CORO1C: variants seen among roughly 807,000 people sequenced by gnomAD.
CORO1C encodes coronin 1C, also known as coronin-1C.
In CORO1C, 14 loss-of-function variants were observed where a neutral mutation model predicts 51.2. That is an observed-to-expected ratio of 0.27 (90% CI 0.18 to 0.43). The LOEUF is 0.43. CORO1C is among the 20% of genes least tolerant of loss of function. The probability of loss-of-function intolerance (pLI) is 1.00; values close to 1 mark genes in which losing one functional copy is unlikely to be tolerated. For missense variants in CORO1C, 417 were observed against 607.8 expected (o/e 0.69, Z 3.30); for synonymous variants, 181 against 210.5 (o/e 0.86, Z 1.21).
At chr12:108,651,947 C>T (rs961937422) in intron 8 of CORO1C, 6 of 165,874 alleles carry the variant, frequency 3.6e-5, no homozygotes, top group African/African-American at 1.2e-4. Flanking sequence ...ATTGCTTGAA[C>T]CAGGGAGGCG....
At chr12:108,694,345 G>C (rs2034601439) in intron 2 of CORO1C, among the ~76,000 whole-genome samples, 2 of 149,180 alleles carry the variant, frequency 1.3e-5, no homozygotes, top group Non-Finnish European at 3.0e-5. Flanking sequence ...CAGGCACTAA[G>C]GAATGAATAT....
chr12:108,695,624 T>A (rs1281096177), intron 2 of CORO1C, among the ~76,000 whole-genome samples: 1 of 152,098 alleles, frequency 6.6e-6, no homozygotes, highest in Non-Finnish European at 1.5e-5. Context: ...AGCTGGATAA[T>A]GAACAGGAAG....
intron 2 of CORO1C, among the ~76,000 whole-genome samples, chr12:108,691,729 AGAGCCCTGTCAGGCCT>A (rs1218661716): frequency 6.6e-6 from 1 of 152,206 alleles, no homozygotes; most frequent in African/African-American, 2.4e-5. Flanking sequence ...AACCACTGTC[AGAGCCCTGTCAGGCCT>A]GCGGGCCGGC....
intron 3 of CORO1C, among the ~76,000 whole-genome samples, chr12:108,666,090 G>A (rs1445724539): frequency 6.6e-6 from 1 of 152,232 alleles, no homozygotes; most frequent in East Asian, 1.9e-4. Flanking sequence ...AGGGCTCCCT[G>A]AGGAGGTGAC....
chr12:108,683,747 C>A lies in CORO1C; in HGVS notation c.196-5353G>T, dbSNP rs144875917. Among the ~76,000 whole-genome samples, 32 of 152,120 alleles carry A rather than the reference C, an allele frequency of 2.1e-4. No individual in the cohort carries two copies. The East Asian group carries it at 4.8e-3, about 23-fold the overall frequency. ...GTAGTATAACTCTACCCATCACCAC[C>A]TCCCAATCAATCAATCAATCAGCAA... On this transcript the variant is annotated intron_variant, in intron 2 of 10. Coordinates refer to ENST00000261401, the MANE Select transcript of CORO1C (RefSeq NM_014325.4).
intron 3 of CORO1C, among the ~76,000 whole-genome samples, chr12:108,664,121 A>G (rs2033382681): frequency 1.3e-5 from 2 of 152,232 alleles, no homozygotes. Context: ...TTTATGAAAA[A>G]GCTAAAGTTT....
Position 108,652,361 on chromosome 12 carries a change from G to A in CORO1C, c.912C>T (p.Tyr304=). ...GCTCCTTGCTGCTGAATGTGTTGAG[G>A]TAGTGGACGTACGGGGATTCATCCG... ...EITDESPYVH[Y]LNTFSSKEPQ... is the part of the protein sequence containing the mutation. The change falls in exon 8 of 11, where the codon TAC becomes TAT. Residue 304 remains tyrosine, a synonymous_variant. Transcript: ENST00000261401. 3 of 1,613,630 alleles carry A rather than the reference G, an allele frequency of 1.9e-6. No homozygotes were observed. The highest frequency in any genetic ancestry group is 1.7e-6 in the Non-Finnish European group (2 of 1,179,542).
At chr12:108,648,115 C>T (rs892735991) in intron 10 of CORO1C, among the ~76,000 whole-genome samples, 18 of 152,144 alleles carry the variant, frequency 1.2e-4, no homozygotes, top group African/African-American at 4.3e-4. Flanking sequence ...GCCTAAATCC[C>T]CCTTGTTGCC....
chr12:108,662,043 A>G lies in CORO1C; in HGVS notation c.434T>C (p.Val145Ala). 1.2e-6 allele frequency: 2 copies of G among 1,614,206 alleles called. No individual in the cohort carries two copies. Among genetic ancestry groups the G allele is most frequent in the Non-Finnish European group, 1.7e-6 (2 of 1,180,038 alleles). ...IVAWHPTARN[V>A]LLSAGCDNAI... ...TCAGCTCCCACCTGCACTAAGAAGC[A>G]CATTGCGGGCCGTTGGATGCCAAGC... The change falls in exon 4 of 11, where the codon GTG (valine) becomes GCG (alanine). Residue 145 changes from valine (V) to alanine (A), a missense_variant. Physicochemically the swap from Val to Ala is moderately conservative, Grantham distance 64 (BLOSUM62 0). Coordinates refer to ENST00000261401, the MANE Select transcript of CORO1C (RefSeq NM_014325.4).
intron 1 of CORO1C, among the ~76,000 whole-genome samples, chr12:108,720,986 T>G (rs999773747): frequency 6.6e-6 from 1 of 152,166 alleles, no homozygotes; most frequent in Admixed American, 6.5e-5. Context: ...GGCAATATGC[T>G]AGGAAATGGA....
intron 1 of CORO1C, among the ~76,000 whole-genome samples, chr12:108,713,933 A>C (rs1174266940): frequency 1.3e-5 from 2 of 152,220 alleles, no homozygotes; most frequent in Non-Finnish European, 2.9e-5. Flanking sequence ...ACACTTTATA[A>C]ATATGAGTAA....
At chr12:108,695,825 T>C (rs1259973788) in intron 2 of CORO1C, among the ~76,000 whole-genome samples, 1 of 134,488 alleles carries the variant, frequency 7.4e-6, no homozygotes, top group East Asian at 2.2e-4. Context: ...TCTAGAAGAC[T>C]GGCTATGTAT....
At chr12:108,677,588 G>C (rs988368062) in intron 3 of CORO1C, among the ~76,000 whole-genome samples, 2 of 152,184 alleles carry the variant, frequency 1.3e-5, no homozygotes, top group Non-Finnish European at 2.9e-5. Context: ...GTCTTGTACA[G>C]TCTGTGCCAG....
chr12:108,700,160 C>T (rs1312727843), intron 2 of CORO1C, among the ~76,000 whole-genome samples: 6 of 152,088 alleles, frequency 3.9e-5, no homozygotes, highest in Non-Finnish European at 7.4e-5. Context: ...CAGCGGGGAT[C>T]CACTTCCCCC....
chr12:108,730,757 GC>G, intron 1 of CORO1C: 1 of 135,018 alleles, frequency 7.4e-6, no homozygotes, highest in South Asian at 2.5e-4. Context: ...TTCCCAAGCC[GC>G]CCCCACCCAC....
At chr12:108,651,637 C>T (rs184507174) in intron 8 of CORO1C, among the ~76,000 whole-genome samples, 75 of 152,306 alleles carry the variant, frequency 4.9e-4, no homozygotes, top group African/African-American at 1.8e-3. Flanking sequence ...ACTTGCCCAC[C>T]AGGGAACGCT....
chr12:108,670,047 A>G (rs1461852427), intron 3 of CORO1C, among the ~76,000 whole-genome samples: 1 of 152,204 alleles, frequency 6.6e-6, no homozygotes, highest in African/African-American at 2.4e-5. Flanking sequence ...AAGATGAGAG[A>G]ATCTCAGTGG....
intron 1 of CORO1C, among the ~76,000 whole-genome samples, chr12:108,718,364 G>A (rs535500576): frequency 8.2e-5 from 10 of 122,122 alleles, no homozygotes; most frequent in African/African-American, 1.2e-4. Flanking sequence ...GTGAGACTCC[G>A]TCTCGAAAAA....
rs201885082 is a variant in CORO1C at position 108,706,195 on chromosome 12, AC to A, written c.-5-4873del. 8.2e-4 allele frequency among the ~76,000 whole-genome samples: 123 copies of A among 150,532 alleles called. 11 individuals carry two copies. The East Asian group carries it at 0.013, about 15-fold the overall frequency. On this transcript the variant is annotated intron_variant, in intron 1 of 10. Transcript: ENST00000261401. ...GAGTGAGACTCTGAATCAAAAAAAA[AC>A]AAAAAAAACAAAAAAAAAGCATTTG... is the stretch of plus-strand genomic sequence containing the variant.
Sources: allele counts gnomAD v4.1 joint callset (sites outside exome capture counted in the v4.1 genomes callset), GRCh38; gene constraint gnomAD v4.1.1; transcripts MANE v1.5; gene names NCBI Gene and HGNC (gene_info 2026-07-23, HGNC 2026-07-21).